The following NRG2 variants were observed in gnomAD, a reference collection of about 807,000 sequenced individuals.
The protein encoded by NRG2 is neuregulin 2, also known as pro-neuregulin-2, membrane-bound isoform.
Under a neutral mutation model 73.9 loss-of-function variants are expected in NRG2, and 27 were observed. The observed-to-expected ratio is 0.37, with a 90% CI of 0.27 to 0.50. The LOEUF (loss-of-function observed/expected upper bound fraction) is 0.50, where lower values mean the gene tolerates loss of function less well. NRG2 is among the 20% of genes least tolerant of loss of function. The pLI is 0.96. For synonymous variants in NRG2, 532 were observed against 541.0 expected, an observed-to-expected ratio of 0.98 and a Z score of 0.23; for missense variants, 1,126 against 1,210.1, an observed-to-expected ratio of 0.93 and a Z score of 1.03.
At chr5:140,032,405 G>T (rs1761222415) in intron 1 of NRG2, among the ~76,000 whole-genome samples, 2 of 151,932 alleles carry the variant, frequency 1.3e-5, no homozygotes, top group Non-Finnish European at 2.9e-5. Flanking sequence ...AGAAACTATG[G>T]ACTATTGAGA....
At position 139,847,942 on chromosome 5, in the gene NRG2, G is replaced by T. The variant is rs1400970838; in HGVS notation, c.2528C>A (p.Ala843Asp). 2.7e-6 allele frequency: 4 copies of T among 1,501,352 alleles called. No homozygotes were observed. In the Admixed American group the frequency reaches 6.5e-5, roughly 24 times the overall value. The allele number at this position is 1,501,352 out of a possible 1,614,324, so 93.0% of individuals were successfully genotyped here. A position where few individuals can be genotyped will look rare whatever the true frequency, so the allele number is the denominator to read the frequency against. Reference protein sequence around the residue: ...SRHSRGPPPRAKQDSAPL With the variant: ...SRHSRGPPPRDKQDSAPL ...CTAGAGTGGCGCCGAGTCCTGCTTGGCCCGCGGGGGCGGCCCGCGGCTGTG... is the reference window on the plus strand; with the variant it reads ...CTAGAGTGGCGCCGAGTCCTGCTTGTCCCGCGGGGGCGGCCCGCGGCTGTG... Residue 843 changes from alanine (A) to aspartate (D), a missense_variant, in exon 10 of 10, where the codon GCC becomes GAC. Around this residue, in one of 3 missense-constraint regions of NRG2, gnomAD observed 402 missense variants for 357.8 expected, o/e 1.12. Coordinates refer to ENST00000361474, the MANE Select transcript of NRG2 (RefSeq NM_004883.3).
chr5:139,870,020 GC>G lies in NRG2; in HGVS notation c.1112+1700del, dbSNP rs1323694329. Among the ~76,000 whole-genome samples, 2 of 152,228 alleles carry G rather than the reference GC, an allele frequency of 1.3e-5. No individual in the cohort carries two copies. The highest frequency in any genetic ancestry group is 4.8e-5 in the African/African-American group (2 of 41,448). ...CCCTTCAAAGTCTGGGGTCCAAGGG[GC>G]TAGGGAAGAGGAGAGACCTACCTAG... On this transcript the variant is annotated intron_variant, in intron 4 of 9. Coordinates refer to ENST00000361474, the MANE Select transcript of NRG2 (RefSeq NM_004883.3). The surrounding 1 kb of genome is among the most constrained non-coding windows in gnomAD (Gnocchi z 4.4).
In NRG2 at chr5:139,856,715, G is replaced by A. The variant is rs1465480596; in HGVS notation, c.1190-937C>T. On this transcript the variant is annotated intron_variant, in intron 5 of 9. Coordinates refer to ENST00000361474, the MANE Select transcript of NRG2 (RefSeq NM_004883.3). This position sits in a 1 kb window ranked among gnomAD's most constrained non-coding sequence, Gnocchi z 4.2. ...AGGTGTACACACCAGGAAACACCCA[G>A]GGCTACAAACCCTCCAGACACACAG... 1.3e-5 allele frequency among the ~76,000 whole-genome samples: 2 copies of A among 152,166 alleles called. No individual in the cohort carries two copies. The highest frequency in any genetic ancestry group is 2.9e-5 in the Non-Finnish European group (2 of 68,022).
At chr5:140,026,126 A>G (rs1760669503) in intron 1 of NRG2, among the ~76,000 whole-genome samples, 1 of 152,258 alleles carries the variant, frequency 6.6e-6, no homozygotes, top group Non-Finnish European at 1.5e-5. Context: ...CAAAAGCACT[A>G]AAGGATACAA....
intron 1 of NRG2, among the ~76,000 whole-genome samples, chr5:139,933,925 G>A (rs1366369657): frequency 6.6e-6 from 1 of 152,256 alleles, no homozygotes; most frequent in Non-Finnish European, 1.5e-5. Flanking sequence ...GAGACTGGGT[G>A]TGGTGGCTCA....
intron 1 of NRG2, among the ~76,000 whole-genome samples, chr5:139,974,435 G>A (rs75990898): frequency 0.024 from 3,613 of 152,276 alleles, 67 homozygotes; most frequent in African/African-American, 0.026. Context: ...CAGGGGAAGG[G>A]GAGAAGGCTG....
At chr5:139,986,572 C>T (rs1267237143) in intron 1 of NRG2, among the ~76,000 whole-genome samples, 3 of 152,096 alleles carry the variant, frequency 2.0e-5, no homozygotes, top group Non-Finnish European at 4.4e-5. Context: ...TCCTACCCAC[C>T]CTTACTGACC....
Position 139,893,419 on chromosome 5 carries a change from G to C in NRG2, c.701-5908C>G, listed in dbSNP as rs751864619. 1.4e-4 allele frequency among the ~76,000 whole-genome samples: 21 copies of C among 152,210 alleles called. 1 individual carries two copies. Among genetic ancestry groups the C allele is most frequent in the Admixed American group, 1.4e-3 (21 of 15,288 alleles). On this transcript the variant is annotated intron_variant, in intron 1 of 9. Coordinates refer to ENST00000361474, the MANE Select transcript of NRG2 (RefSeq NM_004883.3). ...CCTCAAAGGTCCAGCACACAGAAGAGTGGACAGATGAGAGGCATCTAGCAA... is the reference window on the plus strand; with the variant it reads ...CCTCAAAGGTCCAGCACACAGAAGACTGGACAGATGAGAGGCATCTAGCAA...
At chr5:139,914,951 T>G (rs1751138678) in intron 1 of NRG2, among the ~76,000 whole-genome samples, 1 of 152,170 alleles carries the variant, frequency 6.6e-6, no homozygotes, top group South Asian at 2.1e-4. Context: ...CCTTGTACCT[T>G]CCATTGCTCT....
At chr5:139,942,595 A>G (rs1244462725) in intron 1 of NRG2, among the ~76,000 whole-genome samples, 1 of 152,208 alleles carries the variant, frequency 6.6e-6, no homozygotes, top group African/African-American at 2.4e-5. Context: ...TATTGTTAAC[A>G]TCTGTCAACT....
chr5:139,904,360 T>A lies in NRG2; in HGVS notation c.701-16849A>T, dbSNP rs770808242. 1.3e-6 allele frequency: 2 copies of A among 1,589,360 alleles called. No individual in the cohort carries two copies. The highest frequency in any genetic ancestry group is 1.7e-6 in the Non-Finnish European group (2 of 1,176,172). ...CCGCTTCCTCCCCTCTGGGTGCTTC[T>A]TGCCGCGGCCGCGGCCCCTCCTCCT... On this transcript the variant is annotated intron_variant, in intron 1 of 9. Transcript: ENST00000361474. The surrounding 1 kb of genome is among the most constrained non-coding windows in gnomAD (Gnocchi z 6.0).
chr5:139,866,345 T>C (rs1394115764), intron 4 of NRG2, among the ~76,000 whole-genome samples: 1 of 152,200 alleles, frequency 6.6e-6, no homozygotes, highest in Non-Finnish European at 1.5e-5. Flanking sequence ...CAAATTTATT[T>C]GTGTTTCAAA....
At chr5:139,962,487 G>C (rs1012479492) in intron 1 of NRG2, among the ~76,000 whole-genome samples, 2 of 152,146 alleles carry the variant, frequency 1.3e-5, no homozygotes, top group African/African-American at 4.8e-5. Context: ...GGCATCTCTA[G>C]GAGAATCAGG....
At chr5:140,035,988 G>A (rs1201674006) in intron 1 of NRG2, among the ~76,000 whole-genome samples, 3 of 152,176 alleles carry the variant, frequency 2.0e-5, no homozygotes, top group Non-Finnish European at 4.4e-5. Context: ...AGAAACATCT[G>A]CAAGGGTAAA....
chr5:139,914,892 A>G (rs1354699818), intron 1 of NRG2, among the ~76,000 whole-genome samples: 1 of 152,204 alleles, frequency 6.6e-6, no homozygotes, highest in African/African-American at 2.4e-5. Flanking sequence ...GGCTCCACTT[A>G]GGTGGGGGCC....
At chr5:140,027,333 T>C (rs569436952) in intron 1 of NRG2, among the ~76,000 whole-genome samples, 1 of 152,154 alleles carries the variant, frequency 6.6e-6, no homozygotes. Context: ...TATTAAATAA[T>C]AGGAATTCTA....
intron 1 of NRG2, among the ~76,000 whole-genome samples, chr5:139,924,324 G>A (rs1008708978): frequency 3.3e-5 from 5 of 152,194 alleles, no homozygotes; most frequent in Non-Finnish European, 7.3e-5. Context: ...TTTGGTTTGT[G>A]AGACAATATC....
chr5:139,988,833 T>C (rs1301437868), intron 1 of NRG2, among the ~76,000 whole-genome samples: 2 of 151,916 alleles, frequency 1.3e-5, no homozygotes, highest in Non-Finnish European at 2.9e-5. Context: ...GTAATGTATG[T>C]ACCACTCTCG....
intron 5 of NRG2, among the ~76,000 whole-genome samples, chr5:139,858,225 G>C (rs1325678804): frequency 2.0e-5 from 3 of 152,284 alleles, no homozygotes; most frequent in South Asian, 4.1e-4. Flanking sequence ...GTGCTTCAGA[G>C]ATGCTGGAAG....
Sources: allele counts gnomAD v4.1 joint callset (sites outside exome capture counted in the v4.1 genomes callset), GRCh38; gene constraint gnomAD v4.1.1; regional missense constraint gnomAD v4.1.1; non-coding constraint Gnocchi (gnomAD v3.1); transcripts MANE v1.5; gene names NCBI Gene and HGNC (gene_info 2026-07-23, HGNC 2026-07-21).